MARCHF1: variants seen among roughly 807,000 people sequenced by gnomAD.
The protein encoded by MARCHF1 is membrane associated ring-CH-type finger 1, also known as E3 ubiquitin-protein ligase MARCHF1.
In MARCHF1, 40 loss-of-function variants were observed where a neutral mutation model predicts 54.2. That is an observed-to-expected ratio of 0.74 (90% confidence interval 0.57 to 0.96). The LOEUF (loss-of-function observed/expected upper bound fraction) is 0.96. MARCHF1 is among the 40% of genes least tolerant of loss of function. MARCHF1 has a pLI of 0.00. For missense variants in MARCHF1, 586 were observed against 656.5 expected, an observed-to-expected ratio of 0.89 and a Z score of 1.17; for synonymous variants, 236 against 236.3, an observed-to-expected ratio of 1.00 and a Z score of 0.01.
At chr4:163,892,372 G>A (rs1033035782) in intron 3 of MARCHF1, among the ~76,000 whole-genome samples, 2 of 151,984 alleles carry the variant, frequency 1.3e-5, no homozygotes, top group Admixed American at 6.6e-5. Flanking sequence ...GTTTGAAGCG[G>A]AAGAAGCAAA....
intron 4 of MARCHF1, among the ~76,000 whole-genome samples, chr4:163,768,451 G>A (rs1442030937): frequency 1.3e-5 from 2 of 152,086 alleles, no homozygotes; most frequent in Admixed American, 6.5e-5. Flanking sequence ...AAATTAGTTA[G>A]AAAGACATGT....
intron 1 of MARCHF1, among the ~76,000 whole-genome samples, chr4:164,299,980 G>A (rs1268522385): frequency 6.6e-6 from 1 of 152,096 alleles, no homozygotes; most frequent in Non-Finnish European, 1.5e-5. Context: ...ATTAGCAAAT[G>A]TGTTCAGTTA....
intron 1 of MARCHF1, among the ~76,000 whole-genome samples, chr4:164,142,297 G>A (rs1258324651): frequency 6.6e-6 from 1 of 152,184 alleles, no homozygotes; most frequent in Non-Finnish European, 1.5e-5. Flanking sequence ...CAGCCTGGAA[G>A]CTCAAACTGG....
Position 163,877,885 on chromosome 4 carries a change from A to G in MARCHF1, c.-38-23716T>C, listed in dbSNP as rs141173467. Among the ~76,000 whole-genome samples, 753 of 152,344 alleles carry G rather than the reference A, an allele frequency of 4.9e-3. 9 individuals carry two copies. The highest frequency in any genetic ancestry group is 0.016 in the African/African-American group (676 of 41,588). ...CTCCAATGACTTGGTTACACTCAGAATGAAGCCAGATCTCTTCCCATGGCC... is the reference window on the plus strand; with the variant it reads ...CTCCAATGACTTGGTTACACTCAGAGTGAAGCCAGATCTCTTCCCATGGCC... On this transcript the variant is annotated intron_variant, in intron 3 of 9. Coordinates refer to ENST00000514618, the MANE Select transcript of MARCHF1 (RefSeq NM_001394959.1).
intron 1 of MARCHF1, among the ~76,000 whole-genome samples, chr4:164,371,971 C>T (rs927718970): frequency 2.0e-5 from 3 of 152,170 alleles, no homozygotes; most frequent in African/African-American, 7.2e-5. Context: ...TTAAAGCCTC[C>T]TCCTGCAGGC....
intron 1 of MARCHF1, among the ~76,000 whole-genome samples, chr4:164,334,336 T>A (rs773705507): frequency 1.3e-5 from 2 of 152,204 alleles, no homozygotes; most frequent in African/African-American, 4.8e-5. Flanking sequence ...TAGGGGCTAA[T>A]GCAGCTTTGA....
chr4:164,129,319 G>A (rs898396345), intron 1 of MARCHF1, among the ~76,000 whole-genome samples: 2 of 151,990 alleles, frequency 1.3e-5, no homozygotes, highest in African/African-American at 4.8e-5. Context: ...ACTTATTAAG[G>A]CAATTTTATA....
At chr4:163,900,502 A>G (rs1750916386) in intron 3 of MARCHF1, among the ~76,000 whole-genome samples, 1 of 152,140 alleles carries the variant, frequency 6.6e-6, no homozygotes, top group African/African-American at 2.4e-5. Context: ...GTTGAGTTGG[A>G]TAATAAGTCT....
intron 2 of MARCHF1, among the ~76,000 whole-genome samples, chr4:163,993,189 T>C (rs1230015933): frequency 1.3e-5 from 2 of 151,982 alleles, no homozygotes; most frequent in Non-Finnish European, 2.9e-5. Flanking sequence ...GTGGAAATAA[T>C]GAGAGGGAGT....
intron 4 of MARCHF1, among the ~76,000 whole-genome samples, chr4:163,766,143 G>T (rs1746971044): frequency 6.6e-6 from 1 of 151,646 alleles, no homozygotes; most frequent in Non-Finnish European, 1.5e-5. Context: ...CCCCTAAATG[G>T]TATATCACAG....
chr4:164,334,961 T>C (rs1459685203), intron 1 of MARCHF1, among the ~76,000 whole-genome samples: 1 of 152,106 alleles, frequency 6.6e-6, no homozygotes, highest in Non-Finnish European at 1.5e-5. Flanking sequence ...GAACTAGAAG[T>C]GGAGTCTGAA....
chr4:164,130,054 G>A (rs151257883), intron 1 of MARCHF1: 247 of 152,148 alleles, frequency 1.6e-3, no homozygotes, highest in African/African-American at 5.8e-3. Context: ...CTCAGATTTT[G>A]TAAAAGCATC....
intron 1 of MARCHF1, among the ~76,000 whole-genome samples, chr4:164,187,257 A>T (rs1378454998): frequency 1.4e-5 from 1 of 70,568 alleles, no homozygotes. Context: ...AGGGTCATAA[A>T]ACTAGGTCTG....
intron 3 of MARCHF1, among the ~76,000 whole-genome samples, chr4:163,935,702 C>CTTTTT (rs34331599): frequency 2.2e-4 from 28 of 125,710 alleles, no homozygotes; most frequent in African/African-American, 3.7e-4. Context: ...TGCTTGCTTT[C>CTTTTT]TTTTTTTTTT....
intron 8 of MARCHF1, among the ~76,000 whole-genome samples, chr4:163,549,006 C>T (rs1739007114): frequency 6.6e-6 from 1 of 152,178 alleles, no homozygotes; most frequent in Non-Finnish European, 1.5e-5. Context: ...TACCAAATAA[C>T]GTGTGACTTA....
At chr4:163,573,151 T>A (rs1739896978) in intron 8 of MARCHF1, among the ~76,000 whole-genome samples, 2 of 152,074 alleles carry the variant, frequency 1.3e-5, no homozygotes, top group South Asian at 4.1e-4. Flanking sequence ...GCTACACTGA[T>A]TTTGTATCCT....
chr4:164,379,931 A>T (rs1731319761), intron 1 of MARCHF1, among the ~76,000 whole-genome samples: 1 of 152,018 alleles, frequency 6.6e-6, no homozygotes, highest in Admixed American at 6.6e-5. Context: ...TGGGTGACAG[A>T]GTGAGGCTCT....
Position 164,079,258 on chromosome 4 carries a change from T to C in MARCHF1, c.-248+32330A>G, listed in dbSNP as rs147435354. On this transcript the variant is annotated intron_variant, in intron 2 of 9. Transcript: ENST00000514618. ...GTGTATTCTTTGTCAAGAATGGTTA[T>C]ACTATTTCTGGAAGACCAATATTTT... Among the ~76,000 whole-genome samples, 555 of 152,300 alleles carry C rather than the reference T, an allele frequency of 3.6e-3. 2 individuals carry two copies. Among genetic ancestry groups the C allele is most frequent in the African/African-American group, 0.013 (529 of 41,568 alleles).
chr4:163,597,644 A>G (rs1200687774), intron 7 of MARCHF1, among the ~76,000 whole-genome samples: 1 of 152,218 alleles, frequency 6.6e-6, no homozygotes, highest in African/African-American at 2.4e-5. Flanking sequence ...TAAAAATATT[A>G]AAATACAAAG....
Sources: gnomAD v4.1 joint callset for allele counts (sites outside exome capture counted in the v4.1 genomes callset) on GRCh38, gnomAD v4.1.1 for gene constraint, MANE v1.5 for transcripts, NCBI Gene and HGNC (gene_info 2026-07-23, HGNC 2026-07-21) for gene names.